The following UBE2D3 variants were observed in gnomAD, a reference collection of about 807,000 sequenced individuals.
UBE2D3 encodes the protein ubiquitin-conjugating enzyme E2 D3.
Under a neutral mutation model 22.8 loss-of-function variants are expected in UBE2D3, and 2 were observed. That is an observed-to-expected ratio of 0.09 (90% CI 0.04 to 0.28). UBE2D3 has a LOEUF of 0.28. UBE2D3 is among the 10% of genes least tolerant of loss of function. The pLI, the probability that UBE2D3 is intolerant of heterozygous loss-of-function variation, is 1.00. For synonymous variants in UBE2D3, 56 were observed against 60.4 expected, an observed-to-expected ratio of 0.93 and a Z score of 0.34; for missense variants, 27 against 182.5, an observed-to-expected ratio of 0.15 and a Z score of 4.91.
At position 102,796,942 on chromosome 4, in the gene UBE2D3, A is replaced by C. The variant is rs530747203; in HGVS notation, c.*473T>G. The C allele has an allele frequency of 1.3e-5, 2 of 154,006 alleles. No individual in the cohort carries two copies. The highest frequency in any genetic ancestry group is 1.3e-4 in the Admixed American group (2 of 15,508). The allele number at this position is 154,006 out of a possible 1,614,324, so 9.5% of individuals were successfully genotyped here. A position where few individuals can be genotyped will look rare whatever the true frequency, so the allele number is the denominator to read the frequency against. ...GCCACATCAGTTATGAGCATAAAGCATATCATGTAACCTCAAATCTCTAAC... is the reference window on the plus strand; with the variant it reads ...GCCACATCAGTTATGAGCATAAAGCCTATCATGTAACCTCAAATCTCTAAC... On this transcript the variant is annotated 3_prime_UTR_variant, in exon 8 of 8. Coordinates refer to ENST00000453744, the MANE Select transcript of UBE2D3 (RefSeq NM_181891.3).
chr4:102,827,285 C>T, intron 1 of UBE2D3, 142 bp downstream of exon 1: 1 of 947,154 alleles, frequency 1.1e-6, no homozygotes, highest in Non-Finnish European at 1.3e-6. Context: ...GAGGCCGCGG[C>T]TTCCCCAACC....
intron 1 of UBE2D3, among the ~76,000 whole-genome samples, chr4:102,839,257 T>C (rs1457894238): frequency 1.3e-5 from 2 of 152,148 alleles, no homozygotes; most frequent in African/African-American, 4.8e-5. Flanking sequence ...ATATATCATA[T>C]GACTTTCTTC....
upstream of UBE2D3, chr4:102,828,170 G>A (rs1020700086): frequency 6.1e-6 from 6 of 985,280 alleles, no homozygotes; most frequent in African/African-American, 1.0e-4. Context: ...TAGAGGAAAT[G>A]GAATTCCCCA....
At chr4:102,847,970 T>A (rs930858094) in intron 1 of UBE2D3, among the ~76,000 whole-genome samples, 2 of 152,104 alleles carry the variant, frequency 1.3e-5, no homozygotes, top group Admixed American at 1.3e-4. Context: ...CGTTCCATTA[T>A]TGGAACGCTA....
rs1226376872 is a variant in UBE2D3, at chr4:102,797,030, C to G, written c.*385G>C. The G allele has an allele frequency of 5.9e-6, 1 of 168,136 alleles. No homozygotes were observed. Among genetic ancestry groups the G allele is most frequent in the African/African-American group, 2.4e-5 (1 of 41,858 alleles). The allele number at this position is 168,136 out of a possible 1,614,324, so 10.4% of individuals were successfully genotyped here. A position where few individuals can be genotyped will look rare whatever the true frequency, so the allele number is the denominator to read the frequency against. ...AATGCTGTATCCTTTGATGTGACAA[C>G]TGAGCATCCATCTCCCTCCCCCTCA... On this transcript the variant is annotated 3_prime_UTR_variant, in exon 8 of 8. Transcript: ENST00000453744.
chr4:102,821,298 A>G (rs1385397563), intron 2 of UBE2D3, among the ~76,000 whole-genome samples: 3 of 152,150 alleles, frequency 2.0e-5, no homozygotes, highest in Non-Finnish European at 2.9e-5. Flanking sequence ...AGTATAGAAA[A>G]TTTATTTTAA....
At chr4:102,820,666 A>G (rs559213915) in intron 2 of UBE2D3, among the ~76,000 whole-genome samples, 1 of 152,198 alleles carries the variant, frequency 6.6e-6, no homozygotes, top group African/African-American at 2.4e-5. Context: ...AAAGAAACCC[A>G]AATTTAGATT....
chr4:102,826,402 C>T (rs986895340), intron 2 of UBE2D3, 83 bp downstream of exon 2: 47 of 1,541,886 alleles, frequency 3.0e-5, no homozygotes, highest in Non-Finnish European at 2.6e-5. Context: ...CAGAATTATG[C>T]TTCCTTCCCA....
At chr4:102,842,594 C>T (rs1345429276) in intron 1 of UBE2D3, among the ~76,000 whole-genome samples, 2 of 151,540 alleles carry the variant, frequency 1.3e-5, no homozygotes, top group Non-Finnish European at 2.9e-5. Context: ...TAATTAAGAA[C>T]TCAGTGGTTT....
At chr4:102,848,366 C>T (rs558192885) in intron 1 of UBE2D3, among the ~76,000 whole-genome samples, 39 of 152,022 alleles carry the variant, frequency 2.6e-4, no homozygotes, top group Middle Eastern at 3.4e-3. Context: ...AAAAATAGGC[C>T]GGGCATGGTG....
At chr4:102,821,738 C>T (rs1028263911) in intron 2 of UBE2D3, among the ~76,000 whole-genome samples, 5 of 152,100 alleles carry the variant, frequency 3.3e-5, no homozygotes, top group East Asian at 1.9e-4. Context: ...CATTGCATAC[C>T]TGTATCAAAA....
chr4:102,863,460 A>C (rs1352090859), intron 1 of UBE2D3, among the ~76,000 whole-genome samples: 4 of 150,944 alleles, frequency 2.6e-5, no homozygotes, highest in Non-Finnish European at 4.4e-5. Flanking sequence ...TGACCCAAAC[A>C]CCTCCCACTA....
intron 4 of UBE2D3, among the ~76,000 whole-genome samples, chr4:102,804,050 T>A (rs1471358162): frequency 6.6e-6 from 1 of 152,050 alleles, no homozygotes; most frequent in Non-Finnish European, 1.5e-5. Flanking sequence ...ATTATAGGTG[T>A]GAGCTACTGT....
Position 102,797,156 on chromosome 4 carries a change from T to C in UBE2D3, c.*259A>G. 1 of 337,766 alleles carries C rather than the reference T, an allele frequency of 3.0e-6. No homozygotes were observed. Among genetic ancestry groups the C allele is most frequent in the Non-Finnish European group, 5.4e-6 (1 of 183,886 alleles). The allele number at this position is 337,766 out of a possible 1,614,324, so 20.9% of individuals were successfully genotyped here. On this transcript the variant is annotated 3_prime_UTR_variant, in exon 8 of 8. Coordinates refer to ENST00000453744, the MANE Select transcript of UBE2D3 (RefSeq NM_181891.3). ...CACATAATACACATGCTCCATTTTT[T>C]TTTTTAAAAATTCTGAGTCTTGGGC...
chr4:102,829,081 T>G (rs1730959842), upstream of UBE2D3, among the ~76,000 whole-genome samples: 1 of 152,226 alleles, frequency 6.6e-6, no homozygotes, highest in Non-Finnish European at 1.5e-5. Flanking sequence ...ACTGTTCAAG[T>G]GACCATGTAG....
chr4:102,814,241 A>G (rs1281732879), intron 2 of UBE2D3, among the ~76,000 whole-genome samples: 1 of 151,646 alleles, frequency 6.6e-6, no homozygotes, highest in Admixed American at 6.6e-5. Flanking sequence ...CCAAATCAGT[A>G]TTTCAGAAGC....
chr4:102,801,296 A>C (rs1219160300), intron 6 of UBE2D3, among the ~76,000 whole-genome samples, 158 bp downstream of exon 6: 3 of 152,060 alleles, frequency 2.0e-5, no homozygotes, highest in African/African-American at 7.2e-5. Flanking sequence ...AAGTATCTTT[A>C]ATCAACACCA....
At chr4:102,814,945 A>C (rs1222355303) in intron 2 of UBE2D3, among the ~76,000 whole-genome samples, 1 of 152,188 alleles carries the variant, frequency 6.6e-6, no homozygotes, top group Non-Finnish European at 1.5e-5. Context: ...CTGACAACAC[A>C]ATCCAAGTTT....
intron 2 of UBE2D3, among the ~76,000 whole-genome samples, chr4:102,817,433 T>C (rs1472418433): frequency 1.3e-5 from 2 of 152,156 alleles, no homozygotes; most frequent in Admixed American, 6.5e-5. Context: ...TACAGTTGAG[T>C]CCCTTAAGAG....
Sources: allele counts gnomAD v4.1 joint callset (sites outside exome capture counted in the v4.1 genomes callset), GRCh38; gene constraint gnomAD v4.1.1; transcripts MANE v1.5; gene names NCBI Gene and HGNC (gene_info 2026-07-23, HGNC 2026-07-21).